CACNA2D3: variants seen among roughly 807,000 people sequenced by gnomAD.
CACNA2D3 encodes calcium voltage-gated channel auxiliary subunit alpha2delta 3.
CACNA2D3 carries 60 observed loss-of-function variants against 160.6 expected under a neutral mutation model. That is an observed-to-expected ratio of 0.37 (90% CI 0.30 to 0.46). The LOEUF (loss-of-function observed/expected upper bound fraction) is 0.46, where lower values mean the gene tolerates loss of function less well. CACNA2D3 is among the 20% of genes least tolerant of loss of function. CACNA2D3 has a pLI of 1.00. For missense variants in CACNA2D3, 1,205 were observed against 1,365.0 expected, an observed-to-expected ratio of 0.88 and a Z score of 1.85; for synonymous variants, 558 against 492.9, an observed-to-expected ratio of 1.13 and a Z score of -1.75.
intron 2 of CACNA2D3, among the ~76,000 whole-genome samples, chr3:54,287,602 C>T (rs1290952305): frequency 6.9e-6 from 1 of 144,182 alleles, no homozygotes; most frequent in Non-Finnish European, 1.5e-5. Context: ...GAACTCTCCA[C>T]CCCAAATCAA....
intron 4 of CACNA2D3, among the ~76,000 whole-genome samples, chr3:54,480,774 G>T (rs1258030394): frequency 1.3e-5 from 2 of 152,116 alleles, no homozygotes; most frequent in African/African-American, 4.8e-5. Context: ...TAAATGCCTG[G>T]AAAGCCTGGG....
Position 54,150,798 on chromosome 3 carries a change from G to T in CACNA2D3, c.204+27204G>T, listed in dbSNP as rs187655827. Reference sequence around the variant, plus strand: ...CTAAGAGGAGATAACTCTTGGTGTAGCTGTGGAATTGGTGCTTAATACATG... The same window carrying T: ...CTAAGAGGAGATAACTCTTGGTGTATCTGTGGAATTGGTGCTTAATACATG... On this transcript the variant is annotated intron_variant, in intron 2 of 37. Transcript: ENST00000474759. 3.3e-4 allele frequency among the ~76,000 whole-genome samples: 50 copies of T among 152,146 alleles called. No homozygotes were observed. In the East Asian group the frequency reaches 8.3e-3, roughly 25 times the overall value.
In CACNA2D3 at chr3:54,516,340, G is replaced by A. The variant is rs140173557; in HGVS notation, c.544+12686G>A. On this transcript the variant is annotated intron_variant, in intron 5 of 37. Transcript: ENST00000474759. ...ATTTCATCATCTCCAAAGTGCCACC[G>A]TCTGAACTCTTCCTTCATTCTTAAG... is the stretch of plus-strand genomic sequence containing the variant. Among the ~76,000 whole-genome samples the A allele has an allele frequency of 5.3e-4, 81 of 152,248 alleles. 1 individual carries two copies. Among genetic ancestry groups the A allele is most frequent in the African/African-American group, 1.8e-3 (74 of 41,558 alleles).
chr3:54,550,101 A>G (rs900450686), intron 5 of CACNA2D3, among the ~76,000 whole-genome samples: 3 of 152,048 alleles, frequency 2.0e-5, no homozygotes, highest in African/African-American at 7.2e-5. Context: ...CCCACAGAGC[A>G]TAGGACAAGG....
intron 12 of CACNA2D3, among the ~76,000 whole-genome samples, chr3:54,761,909 C>G (rs1251942365): frequency 6.6e-6 from 1 of 152,142 alleles, no homozygotes; most frequent in Non-Finnish European, 1.5e-5. Context: ...CCTTTCTGGA[C>G]AACAGCAGGG....
chr3:54,459,663 T>G (rs1233545311), intron 4 of CACNA2D3, among the ~76,000 whole-genome samples: 3 of 152,012 alleles, frequency 2.0e-5, no homozygotes, highest in Non-Finnish European at 4.4e-5. Context: ...TTGTAGATTC[T>G]GGATATTAGC....
rs1056140714 is a variant in CACNA2D3, at chr3:54,885,340, C to A, written c.1958+14C>A. 6.2e-7 allele frequency: 1 copy of A among 1,613,724 alleles called. No individual in the cohort carries two copies. The highest frequency in any genetic ancestry group is 1.3e-5 in the African/African-American group (1 of 75,030). On this transcript the variant is annotated intron_variant, in intron 22 of 37. Coordinates refer to ENST00000474759, the MANE Select transcript of CACNA2D3 (RefSeq NM_018398.3). ...GGCAGATGAATGGTAAGAATTAAAC[C>A]ATCCCTCCTTGACCATGGCATCCTT...
chr3:54,210,901 C>T (rs1335623448), intron 2 of CACNA2D3, among the ~76,000 whole-genome samples: 2 of 152,004 alleles, frequency 1.3e-5, no homozygotes, highest in Non-Finnish European at 2.9e-5. Context: ...GGACTGGGTA[C>T]CCATGTTTTA....
intron 14 of CACNA2D3, among the ~76,000 whole-genome samples, chr3:54,824,699 A>G (rs1024710328): frequency 6.6e-6 from 1 of 152,146 alleles, no homozygotes; most frequent in African/African-American, 2.4e-5. Context: ...AATGGGGTAC[A>G]GACACGTCCC....
At chr3:54,379,436 A>C (rs1294594168) in intron 3 of CACNA2D3, among the ~76,000 whole-genome samples, 2 of 152,244 alleles carry the variant, frequency 1.3e-5, no homozygotes, top group Non-Finnish European at 2.9e-5. Context: ...CATTTGTATC[A>C]ATAAGGATTA....
intron 16 of CACNA2D3, among the ~76,000 whole-genome samples, chr3:54,842,697 T>G (rs771245825): frequency 7.2e-4 from 109 of 151,344 alleles, no homozygotes; most frequent in Non-Finnish European, 1.4e-3. Context: ...GCCTTCCAGG[T>G]TCAAGCAATT....
intron 4 of CACNA2D3, among the ~76,000 whole-genome samples, chr3:54,462,183 A>T (rs1293529685): frequency 6.6e-6 from 1 of 151,852 alleles, no homozygotes; most frequent in Non-Finnish European, 1.5e-5. Flanking sequence ...TGCTGAGGAG[A>T]GCTTTACTTC....
chr3:54,565,670 T>C (rs954997151), intron 6 of CACNA2D3, among the ~76,000 whole-genome samples: 1 of 152,186 alleles, frequency 6.6e-6, no homozygotes, highest in Non-Finnish European at 1.5e-5. Flanking sequence ...AAATTAAAAT[T>C]AAATGGCCAC....
chr3:54,958,762 A>T (rs1701963150), intron 27 of CACNA2D3, among the ~76,000 whole-genome samples: 1 of 151,708 alleles, frequency 6.6e-6, no homozygotes, highest in East Asian at 1.9e-4. Flanking sequence ...TTGCCTGGGG[A>T]TGTTCTGTGT....
intron 12 of CACNA2D3, among the ~76,000 whole-genome samples, chr3:54,754,957 C>T (rs915837606): frequency 1.3e-5 from 2 of 152,108 alleles, no homozygotes; most frequent in Non-Finnish European, 1.5e-5. Flanking sequence ...AGAAGGAAGA[C>T]GTGTTTGTGT....
At chr3:54,325,968 T>C (rs1220828944) in intron 3 of CACNA2D3, among the ~76,000 whole-genome samples, 1 of 152,246 alleles carries the variant, frequency 6.6e-6, no homozygotes, top group Non-Finnish European at 1.5e-5. Flanking sequence ...TGGGAAGAGC[T>C]AAAGGAGACT....
chr3:54,358,388 C>T (rs1698684506), intron 3 of CACNA2D3, among the ~76,000 whole-genome samples: 1 of 152,238 alleles, frequency 6.6e-6, no homozygotes, highest in Non-Finnish European at 1.5e-5. Context: ...ACACCTCCTC[C>T]CCTCTGACTG....
chr3:54,341,015 C>T (rs1278558109), intron 3 of CACNA2D3, among the ~76,000 whole-genome samples: 1 of 152,204 alleles, frequency 6.6e-6, no homozygotes, highest in Non-Finnish European at 1.5e-5. Context: ...CCTGCTGTCC[C>T]CTCACCTAGA....
intron 11 of CACNA2D3, among the ~76,000 whole-genome samples, chr3:54,734,587 C>T (rs1701459576): frequency 1.3e-5 from 2 of 152,230 alleles, no homozygotes; most frequent in South Asian, 4.1e-4. Context: ...GACACCCCAT[C>T]ACTACCCTGG....
Sources: gnomAD v4.1 joint callset for allele counts (sites outside exome capture counted in the v4.1 genomes callset) on GRCh38, gnomAD v4.1.1 for gene constraint, MANE v1.5 for transcripts, NCBI Gene and HGNC (gene_info 2026-07-23, HGNC 2026-07-21) for gene names.